MATCAP2: variants seen among roughly 807,000 people sequenced by gnomAD.
MATCAP2 encodes putative tyrosine carboxypeptidase MATCAP2.
At chr7:36,330,887 A>T in the MATCAP2 span, 1 of 706,100 alleles carries the variant, frequency 1.4e-6, no homozygotes, top group Non-Finnish European at 2.4e-6. Context: ...TAAACTAAAA[A>T]TACTGTGAAG....
At chr7:36,359,286 G>A in the MATCAP2 span, among the ~76,000 whole-genome samples, 2 of 152,184 alleles carry the variant, frequency 1.3e-5, no homozygotes, top group Non-Finnish European at 2.9e-5. Context: ...AAAGGCCAGG[G>A]ATGCTGCTAA....
At chr7:36,384,276 C>T in the MATCAP2 span, among the ~76,000 whole-genome samples, 4 of 152,164 alleles carry the variant, frequency 2.6e-5, no homozygotes, top group African/African-American at 9.7e-5. Flanking sequence ...ATTTCTACTT[C>T]AGACTCTTGG....
the MATCAP2 span, chr7:36,367,213 G>A: frequency 1.7e-6 from 2 of 1,164,032 alleles, no homozygotes; most frequent in Non-Finnish European, 2.1e-6. Flanking sequence ...CCACCGTGAC[G>A]TAGCCGCTCC....
At chr7:36,378,192 A>G in the MATCAP2 span, among the ~76,000 whole-genome samples, 1 of 152,176 alleles carries the variant, frequency 6.6e-6, no homozygotes, top group East Asian at 1.9e-4. Context: ...TCTGGTTTTT[A>G]AAATGTTCAG....
the MATCAP2 span, chr7:36,331,029 G>A: frequency 1.1e-5 from 17 of 1,613,416 alleles, no homozygotes; most frequent in East Asian, 2.2e-5. Context: ...TCTCTGTATC[G>A]GAGGATTTGA....
chr7:36,370,847 T>C, the MATCAP2 span, among the ~76,000 whole-genome samples: 1 of 152,234 alleles, frequency 6.6e-6, no homozygotes, highest in Non-Finnish European at 1.5e-5. Context: ...TAAAGTTTTA[T>C]TAAACTTAAA....
the MATCAP2 span, among the ~76,000 whole-genome samples, chr7:36,379,961 C>T: frequency 6.6e-6 from 1 of 152,020 alleles, no homozygotes; most frequent in Non-Finnish European, 1.5e-5. Context: ...CACTTTTGCT[C>T]TCTCTCTCTA....
the MATCAP2 span, chr7:36,330,890 C>G: frequency 0.99 from 698,208 of 705,212 alleles, 345,936 homozygotes; most frequent in East Asian, 1. Context: ...ACTAAAAATA[C>G]TGTGAAGCTA....
At chr7:36,339,419 G>T in the MATCAP2 span, among the ~76,000 whole-genome samples, 1 of 152,224 alleles carries the variant, frequency 6.6e-6, no homozygotes, top group Non-Finnish European at 1.5e-5. Flanking sequence ...CACTGGCGTG[G>T]CATGGGAACT....
chr7:36,357,600 TA>T, the MATCAP2 span: 1 of 1,576,844 alleles, frequency 6.3e-7, no homozygotes. Context: ...TCTGTGTTAA[TA>T]AACAAAATCA....
the MATCAP2 span, among the ~76,000 whole-genome samples, chr7:36,386,474 T>A: frequency 6.6e-6 from 1 of 151,768 alleles, no homozygotes; most frequent in South Asian, 2.1e-4. Context: ...TGTGTGTGTA[T>A]CATTAGTTAT....
the MATCAP2 span, among the ~76,000 whole-genome samples, chr7:36,338,723 T>TA: frequency 6.6e-6 from 1 of 152,234 alleles, no homozygotes; most frequent in African/African-American, 2.4e-5. Flanking sequence ...GCTAGGATTA[T>TA]ACATTTTAAA....
At chr7:36,376,142 T>G in the MATCAP2 span, among the ~76,000 whole-genome samples, 4 of 152,178 alleles carry the variant, frequency 2.6e-5, no homozygotes, top group East Asian at 5.8e-4. Flanking sequence ...GCTTTTGAAT[T>G]TGTTTGCTCT....
At chr7:36,353,718 T>C in the MATCAP2 span, among the ~76,000 whole-genome samples, 1 of 152,174 alleles carries the variant, frequency 6.6e-6, no homozygotes, top group East Asian at 1.9e-4. Context: ...TGACCTCAAG[T>C]GATCCGCCTG....
chr7:36,366,529 T>C, the MATCAP2 span, among the ~76,000 whole-genome samples: 1 of 152,250 alleles, frequency 6.6e-6, no homozygotes, highest in Non-Finnish European at 1.5e-5. Flanking sequence ...AATATACAGA[T>C]GTGTTCTTTC....
At chr7:36,330,550 G>T in the MATCAP2 span, among the ~76,000 whole-genome samples, 1 of 152,156 alleles carries the variant, frequency 6.6e-6, no homozygotes, top group Admixed American at 6.5e-5. Context: ...AGGACATTTT[G>T]GAGGCACTTT....
At chr7:36,358,466 C>T in the MATCAP2 span, among the ~76,000 whole-genome samples, 14 of 151,892 alleles carry the variant, frequency 9.2e-5, no homozygotes, top group African/African-American at 3.4e-4. Context: ...CTAAGCTGTA[C>T]GTTAAGGTTA....
the MATCAP2 span, among the ~76,000 whole-genome samples, chr7:36,387,233 T>C: frequency 1.3e-5 from 2 of 152,260 alleles, no homozygotes; most frequent in Non-Finnish European, 2.9e-5. Flanking sequence ...CATATTTCTA[T>C]GGGAATGATA....
the MATCAP2 span, among the ~76,000 whole-genome samples, chr7:36,389,459 C>T: frequency 6.6e-6 from 1 of 151,568 alleles, no homozygotes; most frequent in Non-Finnish European, 1.5e-5. Flanking sequence ...ACCTCCTGGG[C>T]TCAAGCGATC....
Sources: gnomAD v4.1 joint callset for allele counts (sites outside exome capture counted in the v4.1 genomes callset) on GRCh38, gnomAD v4.1.1 for gene constraint, MANE v1.5 for transcripts, NCBI Gene and HGNC (gene_info 2026-07-23, HGNC 2026-07-21) for gene names.